LRCH1: variants seen among roughly 807,000 people sequenced by gnomAD.
The protein encoded by LRCH1 is leucine rich repeats and calponin homology domain containing 1.
LRCH1 carries 23 observed loss-of-function variants against 94.9 expected under a neutral mutation model. That is an observed-to-expected ratio of 0.24 (90% CI 0.17 to 0.34). The LOEUF is 0.34. LRCH1 is among the 10% of genes least tolerant of loss of function. The pLI is 1.00. For synonymous variants in LRCH1, 364 were observed against 354.9 expected, an observed-to-expected ratio of 1.03 and a Z score of -0.29; for missense variants, 790 against 945.9, an observed-to-expected ratio of 0.84 and a Z score of 2.16.
At chr13:46,680,371 A>G (rs964477421) in intron 3 of LRCH1, among the ~76,000 whole-genome samples, 4 of 152,182 alleles carry the variant, frequency 2.6e-5, no homozygotes, top group African/African-American at 4.8e-5. Flanking sequence ...CCAGGAGCTC[A>G]TAGGTTTAAA....
At position 46,600,356 on chromosome 13, in the gene LRCH1, T is replaced by C. The variant is rs554302188; in HGVS notation, c.307+46653T>C. On this transcript the variant is annotated intron_variant, in intron 1 of 19. Transcript: ENST00000389797. Reference sequence around the variant, plus strand: ...GGTATTTTGCAGTCGTTTTCTCAGATGGCTGGATTATTTCAAGCCAAGAAT... The same window carrying C: ...GGTATTTTGCAGTCGTTTTCTCAGACGGCTGGATTATTTCAAGCCAAGAAT... 4.6e-5 allele frequency among the ~76,000 whole-genome samples: 7 copies of C among 152,334 alleles called. No individual in the cohort carries two copies. The South Asian group carries it at 1.5e-3, about 32-fold the overall frequency.
chr13:46,672,587 G>A (rs370537635), intron 3 of LRCH1, among the ~76,000 whole-genome samples: 1 of 152,156 alleles, frequency 6.6e-6, no homozygotes, highest in South Asian at 2.1e-4. Context: ...CCCTTTGTCA[G>A]CTGCAGGGCT....
intron 16 of LRCH1, 146 bp from the exon 17 acceptor site, chr13:46,723,075 C>A (rs1173895464): frequency 5.7e-6 from 3 of 529,920 alleles, no homozygotes; most frequent in South Asian, 3.1e-5. Flanking sequence ...TTGAGCCAGG[C>A]TTTTCTTGTG....
chr13:46,681,725 T>C lies in LRCH1; in HGVS notation c.580-16T>C. ...GAAAAAGATGTTTATTATTTCTCTC[T>C]CTGCTTTTGATACAGGATGTCAGCT... is the stretch of plus-strand genomic sequence containing the variant. On this transcript the variant is annotated splice_polypyrimidine_tract_variant and intron_variant, in intron 3 of 19. Transcript: ENST00000389797. 4 of 1,548,494 alleles carry C rather than the reference T, an allele frequency of 2.6e-6. No homozygotes were observed. In the South Asian group the frequency reaches 3.3e-5, roughly 13 times the overall value.
chr13:46,638,484 A>G (rs970048887), intron 1 of LRCH1, among the ~76,000 whole-genome samples: 10 of 152,196 alleles, frequency 6.6e-5, no homozygotes, highest in African/African-American at 2.4e-4. Flanking sequence ...CATGATTTCT[A>G]CTTCAAAATG....
intron 15 of LRCH1, among the ~76,000 whole-genome samples, chr13:46,714,098 T>A (rs2138203323): frequency 6.6e-6 from 1 of 152,358 alleles, no homozygotes; most frequent in South Asian, 2.1e-4. Flanking sequence ...TGTTAAACCA[T>A]TTCACATTCT....
At chr13:46,697,423 T>G (rs1374877560) in intron 9 of LRCH1, among the ~76,000 whole-genome samples, 1 of 152,220 alleles carries the variant, frequency 6.6e-6, no homozygotes, top group Non-Finnish European at 1.5e-5. Flanking sequence ...CTGTAACTCA[T>G]GCCCGAAGGA....
At chr13:46,740,344 A>T (rs1455307076) in intron 19 of LRCH1, among the ~76,000 whole-genome samples, 2 of 152,244 alleles carry the variant, frequency 1.3e-5, no homozygotes, top group Non-Finnish European at 2.9e-5. Flanking sequence ...TATTTTGTTA[A>T]GAGTATCTCT....
intron 1 of LRCH1, among the ~76,000 whole-genome samples, chr13:46,646,114 GATTCTAAAC>G (rs58386582): frequency 0.013 from 1,992 of 152,256 alleles, 38 homozygotes; most frequent in African/African-American, 0.045. Context: ...TTTCTATTTA[GATTCTAAAC>G]ATTCGTGAAA....
At chr13:46,588,891 C>T (rs549195707) in intron 1 of LRCH1, among the ~76,000 whole-genome samples, 1 of 152,100 alleles carries the variant, frequency 6.6e-6, no homozygotes, top group South Asian at 2.1e-4. Flanking sequence ...GTGTGAGCAA[C>T]CGTGCCCAGC....
Position 46,695,442 on chromosome 13 carries a change from T to C in LRCH1, c.1245+425T>C, listed in dbSNP as rs901415269. On this transcript the variant is annotated intron_variant, in intron 9 of 19. Coordinates refer to ENST00000389797, the MANE Select transcript of LRCH1 (RefSeq NM_001164211.2). ...AATGTCTTTCCTTTTTGGAAAGATC[T>C]CTCTGAGGACACTTATTCCTGAACT... Among the ~76,000 whole-genome samples the C allele has an allele frequency of 2.6e-5, 4 of 152,212 alleles. No individual in the cohort carries two copies. In the East Asian group the frequency reaches 7.7e-4, roughly 29 times the overall value.
intron 3 of LRCH1, among the ~76,000 whole-genome samples, chr13:46,675,351 G>GTT (rs76393352): frequency 2.6e-5 from 4 of 151,112 alleles, no homozygotes; most frequent in East Asian, 1.9e-4. Context: ...GTCCAGAGAT[G>GTT]TTTTTTTTTC....
At chr13:46,575,950 T>C (rs1055047523) in intron 1 of LRCH1, among the ~76,000 whole-genome samples, 1 of 152,174 alleles carries the variant, frequency 6.6e-6, no homozygotes, top group Non-Finnish European at 1.5e-5. Context: ...GCAGGAGTGA[T>C]ATAAAATAGT....
intron 2 of LRCH1, among the ~76,000 whole-genome samples, chr13:46,650,847 C>G (rs1566200099): frequency 6.6e-6 from 1 of 151,956 alleles, no homozygotes; most frequent in Admixed American, 6.6e-5. Context: ...AGTTGAGGAG[C>G]ACTGAACAAC....
At chr13:46,566,565 T>C (rs1033367652) in intron 1 of LRCH1, among the ~76,000 whole-genome samples, 17 of 152,326 alleles carry the variant, frequency 1.1e-4, no homozygotes, top group African/African-American at 4.1e-4. Flanking sequence ...AGGGCACTTA[T>C]CACAAGTTAG....
chr13:46,576,603 A>G (rs995980656), intron 1 of LRCH1, among the ~76,000 whole-genome samples: 1 of 152,218 alleles, frequency 6.6e-6, no homozygotes, highest in Non-Finnish European at 1.5e-5. Context: ...TTGGAGAGCC[A>G]TGCCTCTTTC....
At chr13:46,652,237 C>T (rs1385387750) in intron 2 of LRCH1, among the ~76,000 whole-genome samples, 1 of 152,038 alleles carries the variant, frequency 6.6e-6, no homozygotes, top group African/African-American at 2.4e-5. Flanking sequence ...CCACCACGCC[C>T]GGCTAATTTT....
chr13:46,737,783 G>A (rs908262547), intron 19 of LRCH1, among the ~76,000 whole-genome samples: 3 of 152,262 alleles, frequency 2.0e-5, no homozygotes, highest in East Asian at 3.9e-4. Context: ...CTATGTAGCA[G>A]ATTGGCTACA....
intron 1 of LRCH1, among the ~76,000 whole-genome samples, chr13:46,565,292 A>G (rs1015183020): frequency 2.0e-5 from 3 of 152,188 alleles, no homozygotes; most frequent in Admixed American, 6.5e-5. Context: ...TTGGGTGTAC[A>G]TGCTTTCAGT....
Sources: allele counts gnomAD v4.1 joint callset (sites outside exome capture counted in the v4.1 genomes callset), GRCh38; gene constraint gnomAD v4.1.1; transcripts MANE v1.5; gene names NCBI Gene and HGNC (gene_info 2026-07-23, HGNC 2026-07-21).